MTUS2: variants seen among roughly 807,000 people sequenced by gnomAD.
MTUS2 encodes the protein microtubule-associated tumor suppressor candidate 2.
MTUS2 carries 40 observed loss-of-function variants against 114.1 expected under a neutral mutation model. The observed-to-expected ratio is 0.35, with a 90% CI of 0.27 to 0.46. The LOEUF is 0.46. Among genes scored for constraint, MTUS2 ranks in the 20% least tolerant of loss-of-function variants. The probability of loss-of-function intolerance (pLI) is 1.00; values close to 1 mark genes in which losing one functional copy is unlikely to be tolerated. For missense variants in MTUS2, 1,679 were observed against 1,705.4 expected (o/e 0.98, Z 0.27); for synonymous variants, 688 against 672.0 (o/e 1.02, Z -0.37).
intron 5 of MTUS2, among the ~76,000 whole-genome samples, chr13:29,106,794 C>T (rs192207270): frequency 1.3e-5 from 2 of 152,238 alleles, no homozygotes; most frequent in African/African-American, 4.8e-5. Flanking sequence ...AATCCACAAG[C>T]ACATGGTCCT....
intron 2 of MTUS2, among the ~76,000 whole-genome samples, chr13:28,959,931 T>C (rs1883246348): frequency 6.6e-6 from 1 of 152,048 alleles, no homozygotes; most frequent in Non-Finnish European, 1.5e-5. Flanking sequence ...TTTAAAGGAG[T>C]CAGCATCTCA....
chr13:29,101,045 TC>T, intron 5 of MTUS2, 75 bp downstream of exon 5: 1 of 1,386,290 alleles, frequency 7.2e-7, no homozygotes, highest in South Asian at 1.5e-5. Flanking sequence ...TGTGTCATTT[TC>T]TTTGCATGAT....
At chr13:29,203,827 C>CT (rs1253857955) in intron 5 of MTUS2, among the ~76,000 whole-genome samples, 1 of 152,148 alleles carries the variant, frequency 6.6e-6, no homozygotes. Context: ...CCCCACCCTG[C>CT]TTCATCTCAC....
chr13:29,088,847 G>A (rs936389004), intron 4 of MTUS2, among the ~76,000 whole-genome samples: 1 of 152,004 alleles, frequency 6.6e-6, no homozygotes, highest in Non-Finnish European at 1.5e-5. Context: ...TACTTTATGG[G>A]TGTCATTGCA....
intron 5 of MTUS2, among the ~76,000 whole-genome samples, chr13:29,107,016 T>C (rs1890697920): frequency 6.6e-6 from 1 of 152,182 alleles, no homozygotes; most frequent in African/African-American, 2.4e-5. Context: ...CCTTTTGGTT[T>C]TGATTTAAAC....
At chr13:28,870,630 T>C (rs901760782) in intron 2 of MTUS2, among the ~76,000 whole-genome samples, 5 of 152,206 alleles carry the variant, frequency 3.3e-5, no homozygotes, top group Admixed American at 3.3e-4. Context: ...GAAAAGAGTT[T>C]GTAGGAGCAG....
At chr13:29,360,022 G>T (rs1262898547) in intron 8 of MTUS2, among the ~76,000 whole-genome samples, 1 of 152,140 alleles carries the variant, frequency 6.6e-6, no homozygotes. Context: ...CAGGGAGGTT[G>T]GTTTCTCCTC....
intron 2 of MTUS2, among the ~76,000 whole-genome samples, chr13:28,899,892 A>C (rs1477601257): frequency 6.6e-6 from 1 of 151,258 alleles, no homozygotes; most frequent in African/African-American, 2.4e-5. Context: ...ATTTTATTTT[A>C]CTTTTTTTGA....
chr13:29,223,174 G>A (rs1895975051), intron 5 of MTUS2, among the ~76,000 whole-genome samples: 1 of 152,176 alleles, frequency 6.6e-6, no homozygotes, highest in Non-Finnish European at 1.5e-5. Flanking sequence ...CAGGCTGCCA[G>A]TTCTGTGGAC....
In MTUS2 at chr13:29,024,091, G is replaced by A. The variant is rs548493767; in HGVS notation, c.-242-366G>A. ...TGTGTAAGATAATTATGAATGTAGCGATTGCAAAATAGTGATTTTTCAAAT... is the reference window on the plus strand; with the variant it reads ...TGTGTAAGATAATTATGAATGTAGCAATTGCAAAATAGTGATTTTTCAAAT... On this transcript the variant is annotated intron_variant, in intron 2 of 15. Transcript: ENST00000612955. Among the ~76,000 whole-genome samples, 4 of 152,222 alleles carry A rather than the reference G, an allele frequency of 2.6e-5. No individual in the cohort carries two copies. The South Asian group carries it at 8.3e-4, about 32-fold the overall frequency.
chr13:29,430,960 T>C (rs1303674477), intron 8 of MTUS2, among the ~76,000 whole-genome samples: 1 of 152,212 alleles, frequency 6.6e-6, no homozygotes, highest in Non-Finnish European at 1.5e-5. Context: ...TCTGATTACC[T>C]TAACCTAGCT....
intron 9 of MTUS2, among the ~76,000 whole-genome samples, chr13:29,445,289 G>T (rs1165395729): frequency 6.6e-6 from 1 of 152,150 alleles, no homozygotes; most frequent in Non-Finnish European, 1.5e-5. Flanking sequence ...TCAGCTGAGT[G>T]TCCAGTGATT....
chr13:28,883,466 G>T (rs1878413262), intron 2 of MTUS2, among the ~76,000 whole-genome samples: 1 of 152,202 alleles, frequency 6.6e-6, no homozygotes, highest in Non-Finnish European at 1.5e-5. Context: ...ATGTAACAAT[G>T]AGAAGGAATG....
At chr13:28,907,610 C>T (rs1593290202) in intron 2 of MTUS2, among the ~76,000 whole-genome samples, 1 of 151,170 alleles carries the variant, frequency 6.6e-6, no homozygotes, top group South Asian at 2.1e-4. Context: ...ATCCTAGTCT[C>T]GGATAAAACA....
chr13:29,491,967 G>GA (rs1260847896), intron 11 of MTUS2, among the ~76,000 whole-genome samples: 6 of 144,088 alleles, frequency 4.2e-5, no homozygotes, highest in African/African-American at 1.6e-4. Context: ...GTGTGTATGT[G>GA]ATGTGTGTGG....
At chr13:29,307,906 C>A (rs1450877649) in intron 6 of MTUS2, 2 of 540,990 alleles carry the variant, frequency 3.7e-6, no homozygotes, top group African/African-American at 1.9e-5. Context: ...CCATGCAGAT[C>A]TCCTGAAGAG....
At chr13:28,824,653 T>C (rs1414251272) in intron 1 of MTUS2, among the ~76,000 whole-genome samples, 1 of 152,110 alleles carries the variant, frequency 6.6e-6, no homozygotes, top group African/African-American at 2.4e-5. Flanking sequence ...TTACTGCCTT[T>C]AACCAGTGTC....
chr13:28,918,411 A>G (rs1566222589), intron 2 of MTUS2, among the ~76,000 whole-genome samples: 2 of 152,036 alleles, frequency 1.3e-5, no homozygotes, highest in Non-Finnish European at 2.9e-5. Context: ...CCACCTTATC[A>G]TTATATAATG....
At chr13:29,000,218 C>G (rs1249582413) in intron 2 of MTUS2, among the ~76,000 whole-genome samples, 1 of 152,172 alleles carries the variant, frequency 6.6e-6, no homozygotes, top group Non-Finnish European at 1.5e-5. Context: ...AGCAGTTATA[C>G]TACTTTTAGC....
Sources: allele counts gnomAD v4.1 joint callset (sites outside exome capture counted in the v4.1 genomes callset), GRCh38; gene constraint gnomAD v4.1.1; transcripts MANE v1.5; gene names NCBI Gene and HGNC (gene_info 2026-07-23, HGNC 2026-07-21).